AKAP13: variants seen among roughly 807,000 people sequenced by gnomAD.
AKAP13 encodes A-kinase anchoring protein 13, also known as A-kinase anchor protein 13.
In AKAP13, 80 loss-of-function variants were observed where a neutral mutation model predicts 264.5. The observed-to-expected ratio is 0.30, with a 90% confidence interval of 0.25 to 0.36. The LOEUF is 0.36. AKAP13 is among the 10% of genes least tolerant of loss of function. The pLI, the probability that AKAP13 is intolerant of heterozygous loss-of-function variation, is 1.00. For synonymous variants in AKAP13, 1,380 were observed against 1,250.2 expected (o/e 1.10, Z -2.19); for missense variants, 3,712 against 3,435.2 (o/e 1.08, Z -2.01).
chr15:85,474,871 A>C (rs566586443), intron 1 of AKAP13, among the ~76,000 whole-genome samples: 1 of 152,342 alleles, frequency 6.6e-6, no homozygotes, highest in African/African-American at 2.4e-5. Flanking sequence ...TGACATTTTT[A>C]ACGTCTCTGA....
Position 85,743,464 on chromosome 15 carries a change from T to C in AKAP13, c.8059-28T>C, listed in dbSNP as rs200274880. On this transcript the variant is annotated intron_variant, in intron 35 of 36. Coordinates refer to ENST00000394518, the MANE Select transcript of AKAP13 (RefSeq NM_007200.5). The stretch of plus-strand genomic sequence containing the variant: ...ATCACGGACGCTGACAGCCTCCAAG[T>C]GAAAACCCTTCTCTTGAATATGTAC... The C allele has an allele frequency of 1.1e-5, 17 of 1,598,274 alleles. No homozygotes were observed. The African/African-American group carries it at 2.2e-4, about 20-fold the overall frequency.
At chr15:85,466,466 C>A (rs956979049) in intron 1 of AKAP13, among the ~76,000 whole-genome samples, 4 of 152,276 alleles carry the variant, frequency 2.6e-5, no homozygotes, top group Non-Finnish European at 4.4e-5. Context: ...AGGTTTTCTT[C>A]TAGGGTTTTT....
chr15:85,677,981 T>C (rs1046737874), intron 14 of AKAP13, among the ~76,000 whole-genome samples: 1 of 152,092 alleles, frequency 6.6e-6, no homozygotes. Flanking sequence ...CTACTTTCTC[T>C]CTCCTTTTGA....
chr15:85,593,475 C>A (rs565682412), intron 8 of AKAP13, among the ~76,000 whole-genome samples: 31 of 151,940 alleles, frequency 2.0e-4, no homozygotes, highest in Non-Finnish European at 3.8e-4. Context: ...CACAAGTGAT[C>A]CTCCTGCCTT....
chr15:85,578,852 C>T, intron 6 of AKAP13, 78 bp from the exon 7 acceptor site: 1 of 1,399,682 alleles, frequency 7.1e-7, no homozygotes, highest in Non-Finnish European at 9.9e-7. Context: ...TTCTGTCCAA[C>T]AGAATTTTTG....
At chr15:85,400,568 A>G (rs1406152006) in intron 1 of AKAP13, among the ~76,000 whole-genome samples, 1 of 152,216 alleles carries the variant, frequency 6.6e-6, no homozygotes, top group Non-Finnish European at 1.5e-5. Context: ...ACTTTAATGT[A>G]GGCAAACCTT....
intron 19 of AKAP13, 24 bp downstream of exon 19, chr15:85,710,669 A>G: frequency 5.0e-6 from 8 of 1,610,292 alleles, no homozygotes; most frequent in Non-Finnish European, 6.8e-6. Flanking sequence ...CCCACCTCTC[A>G]ATTCCCTTTC....
chr15:85,511,052 A>G (rs918004103), intron 2 of AKAP13, among the ~76,000 whole-genome samples: 1 of 149,642 alleles, frequency 6.7e-6, no homozygotes, highest in Non-Finnish European at 1.5e-5. Context: ...AAGGCTAGAG[A>G]AAAAAAAAAT....
intron 33 of AKAP13, among the ~76,000 whole-genome samples, chr15:85,739,352 T>C (rs1237216132): frequency 6.6e-6 from 1 of 152,254 alleles, no homozygotes; most frequent in Non-Finnish European, 1.5e-5. Context: ...TTATTTTGCA[T>C]TTATTTGATT....
At chr15:85,597,624 T>A (rs1398649790) in intron 8 of AKAP13, among the ~76,000 whole-genome samples, 1 of 152,174 alleles carries the variant, frequency 6.6e-6, no homozygotes, top group African/African-American at 2.4e-5. Flanking sequence ...TCTGCAGTAC[T>A]TCCTTTTAGC....
chr15:85,521,840 A>G (rs758972138), intron 3 of AKAP13, among the ~76,000 whole-genome samples: 6 of 152,226 alleles, frequency 3.9e-5, no homozygotes, highest in Non-Finnish European at 8.8e-5. Flanking sequence ...AACTGGGATT[A>G]TGACAGTTGA....
At chr15:85,683,111 G>C (rs1189560977) in intron 15 of AKAP13, among the ~76,000 whole-genome samples, 2 of 152,184 alleles carry the variant, frequency 1.3e-5, no homozygotes, top group African/African-American at 4.8e-5. Context: ...TTTTCACAGA[G>C]GCATCAGTTA....
At chr15:85,516,433 C>T (rs982706046) in intron 2 of AKAP13, among the ~76,000 whole-genome samples, 2 of 152,302 alleles carry the variant, frequency 1.3e-5, no homozygotes. Context: ...CACGGTGATA[C>T]ACTAACAAGT....
At chr15:85,549,367 A>G (rs996606543) in intron 5 of AKAP13, among the ~76,000 whole-genome samples, 1 of 152,226 alleles carries the variant, frequency 6.6e-6, no homozygotes, top group Non-Finnish European at 1.5e-5. Context: ...GTGGTGGCAT[A>G]CAAGTGCTGA....
chr15:85,557,095 C>T (rs149048655), intron 5 of AKAP13, among the ~76,000 whole-genome samples: 6 of 152,310 alleles, frequency 3.9e-5, no homozygotes, highest in African/African-American at 1.4e-4. Flanking sequence ...AAAATGTGAT[C>T]TAAAGAAACA....
intron 1 of AKAP13, among the ~76,000 whole-genome samples, chr15:85,419,910 G>T (rs1440191187): frequency 6.8e-6 from 1 of 148,096 alleles, no homozygotes; most frequent in Admixed American, 6.8e-5. Context: ...TTTCTAGAAG[G>T]CTTAAGTGTC....
intron 14 of AKAP13, chr15:85,677,096 A>G: frequency 4.1e-6 from 4 of 985,446 alleles, no homozygotes; most frequent in Non-Finnish European, 4.8e-6. Flanking sequence ...GAGGAGTTGC[A>G]TAGTAAGTAA....
chr15:85,741,445 C>T lies in AKAP13; in HGVS notation c.8008C>T (p.Arg2670Trp), dbSNP rs756280248. The T allele has an allele frequency of 7.0e-5, 113 of 1,608,260 alleles. No individual in the cohort carries two copies. The highest frequency in any genetic ancestry group is 1.0e-4 in the Admixed American group (6 of 59,892). The change falls in exon 35 of 37, where the codon CGG becomes TGG. Residue 2670 changes from arginine (R) to tryptophan (W), a missense_variant. Transcript: ENST00000394518. ...QLEREQEQLR[R>W]EAERLSQRQT... is the part of the protein sequence containing the mutation. ...TGAGAGGGAACAGGAGCAGCTGCGCCGGGAGGCAGAGCGGCTCAGCCAGCG... is the reference window on the plus strand; with the variant it reads ...TGAGAGGGAACAGGAGCAGCTGCGCTGGGAGGCAGAGCGGCTCAGCCAGCG...
rs1470867416 is a variant in AKAP13 at position 85,747,974 on chromosome 15, A to T, written c.*3297A>T. On this transcript the variant is annotated 3_prime_UTR_variant, in exon 37 of 37. Coordinates refer to ENST00000394518, the MANE Select transcript of AKAP13 (RefSeq NM_007200.5). Reference sequence around the variant, plus strand: ...GCGTTGTTTCTTGATGTGGGAGGGGAGGTGTTAGTGCATGCAAGGGTTGAA... The same window carrying T: ...GCGTTGTTTCTTGATGTGGGAGGGGTGGTGTTAGTGCATGCAAGGGTTGAA... 1.3e-5 allele frequency: 2 copies of T among 152,134 alleles called. No homozygotes were observed. The highest frequency in any genetic ancestry group is 2.1e-4 in the South Asian group (1 of 4,798). 9.4% of individuals were successfully genotyped at this position (152,134 alleles called of 1,614,324 possible).
Sources: allele counts gnomAD v4.1 joint callset (sites outside exome capture counted in the v4.1 genomes callset), GRCh38; gene constraint gnomAD v4.1.1; transcripts MANE v1.5; gene names NCBI Gene and HGNC (gene_info 2026-07-23, HGNC 2026-07-21).